Variants in CYP7B1 observed in about 807,000 individuals in gnomAD.
CYP7B1 encodes cytochrome P450 family 7 subfamily B member 1.
In CYP7B1, 29 loss-of-function variants were observed where a neutral mutation model predicts 42.7. The ratio of observed to expected loss-of-function variants is 0.68; its 90% CI spans 0.51 to 0.93. The LOEUF (loss-of-function observed/expected upper bound fraction) is 0.93. Ranked by LOEUF, CYP7B1 falls within the 40% of genes least tolerant of loss-of-function variation. CYP7B1 has a pLI of 0.00. For synonymous variants in CYP7B1, 235 were observed against 218.2 expected, an observed-to-expected ratio of 1.08 and a Z score of -0.68; for missense variants, 655 against 600.5, an observed-to-expected ratio of 1.09 and a Z score of -0.95.
At chr8:64,729,572 T>C (rs1324779110) in intron 1 of CYP7B1, among the ~76,000 whole-genome samples, 1 of 152,210 alleles carries the variant, frequency 6.6e-6, no homozygotes, top group African/African-American at 2.4e-5. Flanking sequence ...AAAATTAATA[T>C]AACTAATATT....
chr8:64,624,951 CTTTTTTTTTTTTTTTTTTTTTTT>C (rs71260892), intron 1 of CYP7B1, among the ~76,000 whole-genome samples: 20 of 54,066 alleles, frequency 3.7e-4, no homozygotes, highest in African/African-American at 1.3e-3. Flanking sequence ...TTATATCATT[CTTTTTTTTTTTTTTTTTTTTTTT>C]TTTTTTTTTT....
chr8:64,795,474 T>C (rs1215079842), intron 1 of CYP7B1, among the ~76,000 whole-genome samples: 2 of 152,248 alleles, frequency 1.3e-5, no homozygotes, highest in Non-Finnish European at 2.9e-5. Flanking sequence ...GTATCCTGCC[T>C]GGACCTCTCC....
At chr8:64,795,605 C>CA (rs1341522946) in intron 1 of CYP7B1, among the ~76,000 whole-genome samples, 2 of 152,140 alleles carry the variant, frequency 1.3e-5, no homozygotes, top group Admixed American at 6.6e-5. Flanking sequence ...AATAATCAGA[C>CA]AAAAAACCCA....
In CYP7B1 at chr8:64,657,422, T is replaced by C. The variant is rs139431035; in HGVS notation, c.123-32883A>G. Reference sequence around the variant, plus strand: ...ACATCCCCAGGAGGTGTTCGGGCTTTCTCTTTGATGTTCTCCCGACATTCT... The same window carrying C: ...ACATCCCCAGGAGGTGTTCGGGCTTCCTCTTTGATGTTCTCCCGACATTCT... On this transcript the variant is annotated intron_variant, in intron 1 of 5. Coordinates refer to ENST00000310193, the MANE Select transcript of CYP7B1 (RefSeq NM_004820.5). Among the ~76,000 whole-genome samples, 214 of 152,268 alleles carry C rather than the reference T, an allele frequency of 1.4e-3. 1 individual carries two copies. Among genetic ancestry groups the C allele is most frequent in the African/African-American group, 4.8e-3 (199 of 41,542 alleles).
chr8:64,655,057 C>T (rs1806101369), intron 1 of CYP7B1, among the ~76,000 whole-genome samples: 1 of 152,102 alleles, frequency 6.6e-6, no homozygotes, highest in African/African-American at 2.4e-5. Flanking sequence ...AAACCCAAAA[C>T]TATAAAAGCC....
At chr8:64,702,613 AG>A (rs1806934260) in intron 1 of CYP7B1, among the ~76,000 whole-genome samples, 1 of 152,114 alleles carries the variant, frequency 6.6e-6, no homozygotes, top group East Asian at 1.9e-4. Context: ...ACAACTGTGA[AG>A]GAACTATTGA....
At chr8:64,731,543 A>G (rs1807408380) in intron 1 of CYP7B1, among the ~76,000 whole-genome samples, 1 of 152,224 alleles carries the variant, frequency 6.6e-6, no homozygotes, top group Non-Finnish European at 1.5e-5. Context: ...GAAACTCTGC[A>G]GCCTAATGAT....
intron 1 of CYP7B1, among the ~76,000 whole-genome samples, chr8:64,770,147 G>C (rs1003112845): frequency 2.0e-5 from 3 of 152,018 alleles, no homozygotes; most frequent in Non-Finnish European, 4.4e-5. Context: ...TTTCCACCTG[G>C]CACCATGCAC....
intron 1 of CYP7B1, among the ~76,000 whole-genome samples, chr8:64,665,155 G>C (rs1212333353): frequency 6.6e-6 from 1 of 152,106 alleles, no homozygotes; most frequent in African/African-American, 2.4e-5. Context: ...CAGGTACCAG[G>C]TCAGGTTCTG....
intron 1 of CYP7B1, among the ~76,000 whole-genome samples, chr8:64,633,143 C>T (rs773389717): frequency 1.6e-4 from 24 of 151,990 alleles, no homozygotes; most frequent in South Asian, 8.3e-4. Context: ...ATTTTAAATC[C>T]GGTACACTAT....
intron 5 of CYP7B1, among the ~76,000 whole-genome samples, chr8:64,599,382 G>A (rs1239939387): frequency 6.6e-6 from 1 of 152,068 alleles, no homozygotes; most frequent in Non-Finnish European, 1.5e-5. Context: ...TAGAGATGGG[G>A]TTTCACCGCG....
intron 4 of CYP7B1, among the ~76,000 whole-genome samples, chr8:64,608,693 G>A (rs1805322229): frequency 6.6e-6 from 1 of 152,136 alleles, no homozygotes; most frequent in South Asian, 2.1e-4. Context: ...TCTGGAAGGT[G>A]TCATGGAATG....
At chr8:64,635,196 A>G (rs1431372722) in intron 1 of CYP7B1, among the ~76,000 whole-genome samples, 7 of 152,204 alleles carry the variant, frequency 4.6e-5, no homozygotes, top group Admixed American at 3.9e-4. Flanking sequence ...GACTGATGTA[A>G]TCTCTTCTCA....
chr8:64,774,632 A>C (rs1024388386), intron 1 of CYP7B1, among the ~76,000 whole-genome samples: 1 of 152,172 alleles, frequency 6.6e-6, no homozygotes, highest in Non-Finnish European at 1.5e-5. Flanking sequence ...GGGTATAAAC[A>C]GGTCCCATAT....
At chr8:64,789,240 T>G (rs1158589917) in intron 1 of CYP7B1, among the ~76,000 whole-genome samples, 1 of 152,226 alleles carries the variant, frequency 6.6e-6, no homozygotes, top group Non-Finnish European at 1.5e-5. Flanking sequence ...ACACTCAGTT[T>G]TTTTTTAAGC....
At chr8:64,669,120 A>C (rs1806326661) in intron 1 of CYP7B1, among the ~76,000 whole-genome samples, 1 of 152,132 alleles carries the variant, frequency 6.6e-6, no homozygotes, top group Non-Finnish European at 1.5e-5. Flanking sequence ...GATCAGAGAA[A>C]ATAAGTTAAA....
intron 1 of CYP7B1, among the ~76,000 whole-genome samples, chr8:64,754,635 A>G (rs1807780653): frequency 6.6e-6 from 1 of 152,104 alleles, no homozygotes. Context: ...CCCTTGAGCA[A>G]GGCTAGGCCA....
chr8:64,606,276 G>C (rs1350508176), intron 4 of CYP7B1, among the ~76,000 whole-genome samples: 1 of 152,188 alleles, frequency 6.6e-6, no homozygotes, highest in Non-Finnish European at 1.5e-5. Context: ...ATAGCCACGA[G>C]GCACCTGACA....
chr8:64,797,844 T>C (rs1166295311), intron 1 of CYP7B1, among the ~76,000 whole-genome samples: 1 of 152,230 alleles, frequency 6.6e-6, no homozygotes, highest in African/African-American at 2.4e-5. Context: ...CTTCCACAAT[T>C]CAAATTAAAG....
Sources: gnomAD v4.1 joint callset for allele counts (sites outside exome capture counted in the v4.1 genomes callset) on GRCh38, gnomAD v4.1.1 for gene constraint, MANE v1.5 for transcripts, NCBI Gene and HGNC (gene_info 2026-07-23, HGNC 2026-07-21) for gene names.